TNRC18: variants seen among roughly 807,000 people sequenced by gnomAD.
TNRC18 encodes trinucleotide repeat-containing gene 18 protein.
Under a neutral mutation model 226.7 loss-of-function variants are expected in TNRC18, and 69 were observed. The ratio of observed to expected loss-of-function variants is 0.30; its 90% CI spans 0.25 to 0.37. TNRC18 has a LOEUF of 0.37. Among genes scored for constraint, TNRC18 ranks in the 10% least tolerant of loss-of-function variants. The probability of loss-of-function intolerance (pLI) is 1.00; values close to 1 mark genes in which losing one functional copy is unlikely to be tolerated. For synonymous variants in TNRC18, 2,449 were observed against 1,927.6 expected (o/e 1.27, Z -7.09); for missense variants, 4,754 against 4,256.6 (o/e 1.12, Z -3.25).
Position 5,377,305 on chromosome 7 carries a change from G to A in TNRC18, c.2461+66C>T, listed in dbSNP as rs1403784944. 2.1e-6 allele frequency: 3 copies of A among 1,414,428 alleles called. No homozygotes were observed. The highest frequency in any genetic ancestry group is 2.8e-6 in the Non-Finnish European group (3 of 1,060,012). The allele number at this position is 1,414,428 out of a possible 1,614,324, so 87.6% of individuals were successfully genotyped here. A position where few individuals can be genotyped will look rare whatever the true frequency, so the allele number is the denominator to read the frequency against. ...AGGCAGGAGCCAGCCCTGAGCTCTTGTCCTGCACCCGCCCCCTCCCACCCC... is the reference window on the plus strand; with the variant it reads ...AGGCAGGAGCCAGCCCTGAGCTCTTATCCTGCACCCGCCCCCTCCCACCCC... On this transcript the variant is annotated intron_variant, in intron 7 of 29. Transcript: ENST00000430969. This position sits in a 1 kb window ranked among gnomAD's most constrained non-coding sequence, Gnocchi z 5.8.
At chr7:5,409,952 C>G (rs1781735555) in intron 2 of TNRC18, among the ~76,000 whole-genome samples, 3 of 148,622 alleles carry the variant, frequency 2.0e-5, no homozygotes, top group South Asian at 4.2e-4. Flanking sequence ...GATCGCACCA[C>G]TGCACTCCAG....
intron 2 of TNRC18, among the ~76,000 whole-genome samples, chr7:5,395,060 C>T (rs1174131764): frequency 2.6e-5 from 4 of 152,122 alleles, no homozygotes; most frequent in African/African-American, 7.2e-5. Flanking sequence ...GAGAGGACAC[C>T]CACCCTCCAG....
chr7:5,377,107 TG>T lies in TNRC18; in HGVS notation c.2462-115del. The T allele has an allele frequency of 7.0e-7, 1 of 1,433,226 alleles. No individual in the cohort carries two copies. 88.8% of individuals were successfully genotyped at this position (1,433,226 alleles called of 1,614,324 possible). On this transcript the variant is annotated intron_variant, in intron 7 of 29. Coordinates refer to ENST00000430969, the MANE Select transcript of TNRC18 (RefSeq NM_001080495.3). This position sits in a 1 kb window ranked among gnomAD's most constrained non-coding sequence, Gnocchi z 5.8. ...GTCCTGAACCTCCTGGGGCCTCCAG[TG>T]GGGAAGCCAAGGGACAGGGGTGCTG... is the stretch of plus-strand genomic sequence containing the variant.
At chr7:5,409,334 G>C (rs543171957) in intron 2 of TNRC18, among the ~76,000 whole-genome samples, 6 of 151,906 alleles carry the variant, frequency 3.9e-5, no homozygotes, top group Admixed American at 2.6e-4. Flanking sequence ...ATGTATGCAT[G>C]AAACAAGAAC....
chr7:5,361,907 G>C lies in TNRC18; in HGVS notation c.4522C>G (p.Arg1508Gly). The change falls in exon 13 of 30, where the codon CGG becomes GGG. Residue 1508 changes from arginine (R) to glycine (G), a missense_variant. Transcript: ENST00000430969. The stretch of plus-strand genomic sequence containing the variant: ...GGGGGACACACTCACTCGGAGTCCC[G>C]GCGGCGCTGCAGCTTCACCAGCTCA... ...QRELVKLQRR[R>G]DSEDRREEPH... 6.4e-7 allele frequency: 1 copy of C among 1,572,182 alleles called. No individual in the cohort carries two copies. Among genetic ancestry groups the C allele is most frequent in the Non-Finnish European group, 8.6e-7 (1 of 1,161,078 alleles).
At position 5,370,557 on chromosome 7, in the gene TNRC18, G is replaced by A. The variant is rs762341703; in HGVS notation, c.4037C>T (p.Ala1346Val). 69 of 1,610,114 alleles carry A rather than the reference G, an allele frequency of 4.3e-5. No individual in the cohort carries two copies. The highest frequency in any genetic ancestry group is 5.0e-5 in the Admixed American group (3 of 59,474). The change falls in exon 11 of 30, where the codon GCG (alanine) becomes GTG (valine). Residue 1346 changes from alanine to valine, a missense_variant. Physicochemically the swap from Ala to Val is moderately conservative, Grantham distance 64. Coordinates refer to ENST00000430969, the MANE Select transcript of TNRC18 (RefSeq NM_001080495.3). ...EDPLAGMNAL[A>V]AAAELPQARP... Reference sequence around the variant, plus strand: ...GGCCTGGGGCAGCTCCGCAGCTGCCGCCAGGGCGTTCATGCCAGCCAGTGG... The same window carrying A: ...GGCCTGGGGCAGCTCCGCAGCTGCCACCAGGGCGTTCATGCCAGCCAGTGG...
chr7:5,339,893 A>AG (rs952863695), intron 18 of TNRC18, among the ~76,000 whole-genome samples: 7 of 151,776 alleles, frequency 4.6e-5, no homozygotes, highest in African/African-American at 1.7e-4. Flanking sequence ...ATAGCGAGGA[A>AG]GAAAAAAAAA....
chr7:5,383,412 G>C (rs1779534103), intron 5 of TNRC18, among the ~76,000 whole-genome samples: 2 of 152,184 alleles, frequency 1.3e-5, no homozygotes, highest in Admixed American at 1.3e-4. Context: ...ATGAGCAGAT[G>C]AGAGAGAGGC....
At chr7:5,395,507 C>G (rs184286770) in intron 2 of TNRC18, among the ~76,000 whole-genome samples, 3 of 152,236 alleles carry the variant, frequency 2.0e-5, no homozygotes, top group Non-Finnish European at 4.4e-5. Flanking sequence ...CTCTGTCCCA[C>G]GAGCCCCAAA....
chr7:5,416,256 T>C (rs1382478025), intron 2 of TNRC18, among the ~76,000 whole-genome samples: 1 of 148,516 alleles, frequency 6.7e-6, no homozygotes. Flanking sequence ...GTACTAAAAG[T>C]ACAAAAAAAT....
At chr7:5,365,032 C>T (rs369862165) in intron 11 of TNRC18, among the ~76,000 whole-genome samples, 1,491 of 82,590 alleles carry the variant, frequency 0.018, 23 homozygotes, top group South Asian at 0.076. Context: ...TGTGGGGGGG[C>T]GGGGGCGGAA....
chr7:5,376,154 C>T lies in TNRC18; in HGVS notation c.2679G>A (p.Leu893=). The part of the protein sequence containing the change: ...PALYPPGRSP[L]HHAQQLQLFS... ...AGAGCTGCAGCTGCTGGGCGTGGTG[C>T]AGGGGGCTGCGGCCCGGCGGGTACA... Residue 893 remains leucine, a synonymous_variant, in exon 9 of 30, where the codon CTG becomes CTA. Transcript: ENST00000430969. 2 of 1,582,598 alleles carry T rather than the reference C, an allele frequency of 1.3e-6. No homozygotes were observed. Among genetic ancestry groups the T allele is most frequent in the Non-Finnish European group, 1.7e-6 (2 of 1,165,544 alleles).
rs1267547011 is a variant in TNRC18 at position 5,307,261 on chromosome 7, ATATT to A, written c.*841_*844del. Reference sequence around the variant, plus strand: ...TCACAGTTTTAAAAAGTTTATATATATATTTATATATATTTATCTTTATATATAT... The same window carrying A: ...TCACAGTTTTAAAAAGTTTATATATATATATATATTTATCTTTATATATAT... On this transcript the variant is annotated 3_prime_UTR_variant, in exon 30 of 30. Transcript: ENST00000430969. 3 of 148,650 alleles carry A rather than the reference ATATT, an allele frequency of 2.0e-5. No homozygotes were observed. The highest frequency in any genetic ancestry group is 7.3e-5 in the African/African-American group (3 of 40,870). 9.2% of individuals were successfully genotyped at this position (148,650 alleles called of 1,614,324 possible).
chr7:5,377,146 G>A lies in TNRC18; in HGVS notation c.2462-153C>T, dbSNP rs577517831. Among the ~76,000 whole-genome samples, 2 of 152,210 alleles carry A rather than the reference G, an allele frequency of 1.3e-5. No individual in the cohort carries two copies. Among genetic ancestry groups the A allele is most frequent in the African/African-American group, 4.8e-5 (2 of 41,446 alleles). ...GACAGGGGTGCTGGCTGGCTGCAAA[G>A]AGCACCCCAGAGCCACCCGCATTGG... On this transcript the variant is annotated intron_variant, in intron 7 of 29. Transcript: ENST00000430969. The surrounding 1 kb of genome is among the most constrained non-coding windows in gnomAD (Gnocchi z 5.8).
At chr7:5,362,098 C>A in intron 12 of TNRC18, 65 bp from the exon 13 acceptor site, 1 of 1,569,242 alleles carries the variant, frequency 6.4e-7, no homozygotes, top group South Asian at 1.2e-5. Flanking sequence ...GCCCACCGCC[C>A]ACCCAGGGGT....
intron 2 of TNRC18, among the ~76,000 whole-genome samples, chr7:5,399,411 C>T (rs906938809): frequency 6.6e-6 from 1 of 152,186 alleles, no homozygotes. Flanking sequence ...GACCAATGAC[C>T]GTCAAAACCT....
intron 2 of TNRC18, among the ~76,000 whole-genome samples, chr7:5,411,247 G>A (rs1241232170): frequency 1.3e-5 from 2 of 151,366 alleles, no homozygotes; most frequent in African/African-American, 4.9e-5. Context: ...AAAAGAAAAG[G>A]AAGGGGGAGG....
At chr7:5,400,997 T>C (rs1781046428) in intron 2 of TNRC18, among the ~76,000 whole-genome samples, 2 of 151,996 alleles carry the variant, frequency 1.3e-5, no homozygotes, top group African/African-American at 4.8e-5. Flanking sequence ...AGCTGAGATT[T>C]CGTGCAGCCT....
At chr7:5,366,135 C>A (rs1370602838) in intron 11 of TNRC18, among the ~76,000 whole-genome samples, 1 of 151,948 alleles carries the variant, frequency 6.6e-6, no homozygotes, top group African/African-American at 2.4e-5. Context: ...TATTCATTCG[C>A]ATCTCTGCTG....
Sources: allele counts gnomAD v4.1 joint callset (sites outside exome capture counted in the v4.1 genomes callset), GRCh38; gene constraint gnomAD v4.1.1; non-coding constraint Gnocchi (gnomAD v3.1); transcripts MANE v1.5; gene names NCBI Gene and HGNC (gene_info 2026-07-23, HGNC 2026-07-21).